The following MAGI2 variants were observed in gnomAD, a reference collection of about 807,000 sequenced individuals.
MAGI2 encodes the protein membrane associated guanylate kinase, WW and PDZ domain containing 2, also known as membrane-associated guanylate kinase, WW and PDZ domain-containing protein 2.
A neutral mutation model predicts 133.3 loss-of-function variants in MAGI2; 35 were observed. That is an observed-to-expected ratio of 0.26 (90% CI 0.20 to 0.35). The LOEUF (loss-of-function observed/expected upper bound fraction) is 0.35. Among genes scored for constraint, MAGI2 ranks in the 10% least tolerant of loss-of-function variants. MAGI2 has a pLI of 1.00. For synonymous variants in MAGI2, 729 were observed against 710.6 expected, an observed-to-expected ratio of 1.03 and a Z score of -0.41; for missense variants, 1,636 against 1,863.4, an observed-to-expected ratio of 0.88 and a Z score of 2.25.
chr7:78,861,619 T>C (rs1230484847), intron 2 of MAGI2, among the ~76,000 whole-genome samples: 3 of 152,216 alleles, frequency 2.0e-5, no homozygotes, highest in Non-Finnish European at 4.4e-5. Flanking sequence ...AGTGATGTCA[T>C]CTCAAGCTCT....
chr7:78,528,164 A>G (rs1324947188), intron 3 of MAGI2, among the ~76,000 whole-genome samples: 1 of 152,202 alleles, frequency 6.6e-6, no homozygotes, highest in Non-Finnish European at 1.5e-5. Context: ...CAAACTTTAA[A>G]TGGTTGAGAA....
At chr7:78,668,679 G>C (rs190995451) in intron 2 of MAGI2, among the ~76,000 whole-genome samples, 3 of 152,018 alleles carry the variant, frequency 2.0e-5, no homozygotes, top group Non-Finnish European at 2.9e-5. Context: ...GTTTTTCTCA[G>C]GTTTGTCAAA....
At chr7:78,079,122 G>A in intron 20 of MAGI2, 37 bp from the exon 21 acceptor site, 3 of 1,601,228 alleles carry the variant, frequency 1.9e-6, no homozygotes, top group Non-Finnish European at 2.6e-6. Context: ...GCCAAAGATG[G>A]TTTTACTCAA....
intron 6 of MAGI2, among the ~76,000 whole-genome samples, chr7:78,400,716 A>G (rs1309405404): frequency 6.6e-6 from 1 of 152,202 alleles, no homozygotes; most frequent in Admixed American, 6.5e-5. Context: ...TGATATTTTT[A>G]GGTTGGAAGT....
At chr7:78,885,550 C>G (rs1268116670) in intron 2 of MAGI2, among the ~76,000 whole-genome samples, 1 of 151,868 alleles carries the variant, frequency 6.6e-6, no homozygotes, top group East Asian at 1.9e-4. Context: ...TTACAAAGAG[C>G]ACAGGCCAAT....
At chr7:78,674,099 A>G (rs566735054) in intron 2 of MAGI2, among the ~76,000 whole-genome samples, 5 of 152,300 alleles carry the variant, frequency 3.3e-5, no homozygotes, top group East Asian at 1.9e-4. Context: ...GCAGTCAACA[A>G]TTTTTTGCTA....
intron 15 of MAGI2, among the ~76,000 whole-genome samples, chr7:78,162,252 G>A (rs913343212): frequency 3.3e-5 from 5 of 151,890 alleles, no homozygotes; most frequent in Admixed American, 6.6e-5. Flanking sequence ...AAGAAGAAGC[G>A]CGGTGGCTCA....
chr7:78,394,633 C>A (rs1453888491), intron 6 of MAGI2, among the ~76,000 whole-genome samples: 1 of 152,198 alleles, frequency 6.6e-6, no homozygotes, highest in African/African-American at 2.4e-5. Context: ...AGCAAAATAG[C>A]CACTGCTACA....
chr7:78,194,608 C>G (rs1049228723), intron 12 of MAGI2, among the ~76,000 whole-genome samples: 3 of 152,020 alleles, frequency 2.0e-5, no homozygotes, highest in Non-Finnish European at 4.4e-5. Flanking sequence ...AACCTCACCC[C>G]CCAACCCCCA....
intron 2 of MAGI2, among the ~76,000 whole-genome samples, chr7:78,757,951 T>C (rs768503806): frequency 2.2e-4 from 33 of 152,150 alleles, no homozygotes; most frequent in Non-Finnish European, 4.3e-4. Context: ...TGACCAGTAC[T>C]CTTGGATGAC....
At chr7:78,218,051 C>T (rs1396474373) in intron 10 of MAGI2, among the ~76,000 whole-genome samples, 1 of 152,226 alleles carries the variant, frequency 6.6e-6, no homozygotes, top group Admixed American at 6.5e-5. Flanking sequence ...AGAGAATAGA[C>T]ACAGATATAT....
chr7:79,156,226 A>G (rs1300841623), intron 1 of MAGI2, among the ~76,000 whole-genome samples: 1 of 152,142 alleles, frequency 6.6e-6, no homozygotes, highest in Admixed American at 6.6e-5. Context: ...TGTAACAAAG[A>G]AGAAAATCAA....
chr7:78,787,036 G>T (rs1008826695), intron 2 of MAGI2, among the ~76,000 whole-genome samples: 1 of 151,318 alleles, frequency 6.6e-6, no homozygotes, highest in Non-Finnish European at 1.5e-5. Flanking sequence ...TGCAACCTCC[G>T]ACTCTGGTTT....
intron 16 of MAGI2, among the ~76,000 whole-genome samples, chr7:78,142,019 T>C (rs1197394227): frequency 6.6e-6 from 1 of 152,142 alleles, no homozygotes; most frequent in Non-Finnish European, 1.5e-5. Flanking sequence ...ACATTAGGAA[T>C]TGTAATTAGC....
intron 2 of MAGI2, among the ~76,000 whole-genome samples, chr7:78,945,142 A>G (rs1801312083): frequency 6.6e-6 from 1 of 151,002 alleles, no homozygotes. Context: ...GCTTATTGCA[A>G]CCTCCCCCTC....
intron 10 of MAGI2, chr7:78,254,844 G>C (rs772115884): frequency 5.3e-5 from 8 of 152,166 alleles, no homozygotes; most frequent in Admixed American, 5.2e-4. Context: ...TCATTGTCCT[G>C]TTCCTTCTGA....
chr7:78,735,028 T>C (rs1821716761), intron 2 of MAGI2, among the ~76,000 whole-genome samples: 1 of 152,200 alleles, frequency 6.6e-6, no homozygotes, highest in South Asian at 2.1e-4. Context: ...AAGTAGGTGG[T>C]AAATTTTTTA....
intron 1 of MAGI2, among the ~76,000 whole-genome samples, chr7:79,450,045 A>T (rs1175090260): frequency 6.6e-6 from 1 of 151,828 alleles, no homozygotes; most frequent in Non-Finnish European, 1.5e-5. Context: ...GCACTTATTA[A>T]CAATATTCTT....
rs142720778 is a variant in MAGI2, at chr7:78,331,304, C to T, written c.1408+12474G>A. On this transcript the variant is annotated intron_variant, in intron 9 of 21. Coordinates refer to ENST00000354212, the MANE Select transcript of MAGI2 (RefSeq NM_012301.4). ...GGATCATGCATACCCCAAACCTCAG[C>T]GTCACGCAATATACCTATGTAACAA... Among the ~76,000 whole-genome samples, 7 of 146,352 alleles carry T rather than the reference C, an allele frequency of 4.8e-5. No homozygotes were observed. In the East Asian group the frequency reaches 7.8e-4, roughly 16 times the overall value.
Sources: gnomAD v4.1 joint callset for allele counts (sites outside exome capture counted in the v4.1 genomes callset) on GRCh38, gnomAD v4.1.1 for gene constraint, MANE v1.5 for transcripts, NCBI Gene and HGNC (gene_info 2026-07-23, HGNC 2026-07-21) for gene names.